Variants in TMPRSS6 observed in about 807,000 individuals in gnomAD.
TMPRSS6 encodes transmembrane protease serine 6.
A neutral mutation model predicts 101.5 loss-of-function variants in TMPRSS6; 67 were observed. The ratio of observed to expected loss-of-function variants is 0.66; its 90% CI spans 0.54 to 0.81. The LOEUF is 0.81. Ranked by LOEUF, TMPRSS6 falls within the 30% of genes least tolerant of loss-of-function variation. The pLI is 0.00. For missense variants in TMPRSS6, 1,034 were observed against 1,088.7 expected (o/e 0.95, Z 0.71); for synonymous variants, 453 against 464.9 (o/e 0.97, Z 0.33).
intron 16 of TMPRSS6, 114 bp from the exon 17 acceptor site, chr22:37,067,076 C>G: frequency 6.7e-7 from 1 of 1,493,570 alleles, no homozygotes; most frequent in Non-Finnish European, 9.1e-7. Flanking sequence ...CCTGCTCTGC[C>G]CACCCTTACC....
At chr22:37,087,594 C>G (rs547553305) in intron 7 of TMPRSS6, among the ~76,000 whole-genome samples, 2 of 151,446 alleles carry the variant, frequency 1.3e-5, no homozygotes, top group African/African-American at 4.8e-5. Context: ...ACCCCCCTCA[C>G]CCCCCAGGCC....
intron 1 of TMPRSS6, among the ~76,000 whole-genome samples, chr22:37,108,329 G>A (rs963651785): frequency 3.9e-5 from 6 of 152,154 alleles, no homozygotes; most frequent in African/African-American, 1.4e-4. Context: ...TCACCTCTTC[G>A]CAGCTCTCCC....
Position 37,069,168 on chromosome 22 carries a change from G to A in TMPRSS6, c.2018C>T (p.Ala673Val). 3.2e-6 allele frequency: 5 copies of A among 1,585,330 alleles called. No individual in the cohort carries two copies. Among genetic ancestry groups the A allele is most frequent in the Non-Finnish European group, 4.3e-6 (5 of 1,167,154 alleles). Residue 673 changes from alanine (A) to valine (V), a missense_variant, in exon 16 of 18, where the codon GCC (alanine) becomes GTC (valine). Ala to Val is a moderately conservative substitution (Grantham distance 64). Transcript: ENST00000676104. This position sits in a 1 kb window ranked among gnomAD's most constrained non-coding sequence, Gnocchi z 4.8. ...GGGCAGGCAGACGGGGCGCACGGCG[G>A]CCGAGCGCACCACCGGGTGGTCGAG... The part of the protein sequence containing the change: ...LQLDHPVVRS[A>V]AVRPVCLPAR...
rs777056213 is a variant in TMPRSS6 at position 37,069,781 on chromosome 22, G to A, written c.1842-437C>T. ...AGGCTGGTGGGTCCTAGTGGGGAGCGGGTGGGAGTTGAGCGTGGAGGAATT... is the reference window on the plus strand; with the variant it reads ...AGGCTGGTGGGTCCTAGTGGGGAGCAGGTGGGAGTTGAGCGTGGAGGAATT... On this transcript the variant is annotated intron_variant, in intron 15 of 17. Transcript: ENST00000676104. The surrounding 1 kb of genome is among the most constrained non-coding windows in gnomAD (Gnocchi z 4.8). Among the ~76,000 whole-genome samples the A allele has an allele frequency of 6.6e-6, 1 of 152,174 alleles. No homozygotes were observed. The highest frequency in any genetic ancestry group is 1.5e-5 in the Non-Finnish European group (1 of 68,024).
chr22:37,094,543 T>TGATAGATAGATAGATAGATAGATAGATA lies in TMPRSS6; in HGVS notation c.631+1007_631+1008insTATCTATCTATCTATCTATCTATCTATC, dbSNP rs6147615. On this transcript the variant is annotated intron_variant, in intron 6 of 17. Transcript: ENST00000676104. ...ACAAGCAGACAGATATCAACAGAGA[T>TGATAGATAGATAGATAGATAGATAGATA]GATAGATAGATAGATAGATAGATAG... Among the ~76,000 whole-genome samples the TGATAGATAGATAGATAGATAGATAGATA allele has an allele frequency of 2.7e-3, 411 of 150,834 alleles. 1 individual carries two copies. The highest frequency in any genetic ancestry group is 5.1e-3 in the African/African-American group (207 of 40,902).
chr22:37,066,852 G>T lies in TMPRSS6; in HGVS notation c.2224C>A (p.Arg742Ser). ...VTPRMLCAGY[R>S]KGKKDACQGD... is the part of the protein sequence containing the mutation. ...TGACAGGCATCCTTCTTGCCCTTGC[G>T]GTAGCCGGCACACAGCATGCGTGGC... The change falls in exon 17 of 18, where the codon CGC becomes AGC. Residue 742 changes from arginine to serine, a missense_variant. Coordinates refer to ENST00000676104, the MANE Select transcript of TMPRSS6 (RefSeq NM_001374504.1). The T allele has an allele frequency of 6.2e-7, 1 of 1,614,162 alleles. No individual in the cohort carries two copies. Among genetic ancestry groups the T allele is most frequent in the Non-Finnish European group, 8.5e-7 (1 of 1,180,032 alleles).
In TMPRSS6 at chr22:37,084,102, G is replaced by A. The variant is rs1036194885; in HGVS notation, c.1196+193C>T. 33 of 625,952 alleles carry A rather than the reference G, an allele frequency of 5.3e-5. No individual in the cohort carries two copies. The Admixed American group carries it at 6.4e-4, about 12-fold the overall frequency. The allele number at this position is 625,952 out of a possible 1,614,324, so 38.8% of individuals were successfully genotyped here. ...TGGGGTAGCCAGAGGGGAAGCCGGG[G>A]CCAGGGCGGAGGCTGGGACGAGGAC... On this transcript the variant is annotated intron_variant, in intron 10 of 17. Coordinates refer to ENST00000676104, the MANE Select transcript of TMPRSS6 (RefSeq NM_001374504.1).
Position 37,065,678 on chromosome 22 carries a change from A to G in TMPRSS6, c.*402T>C, listed in dbSNP as rs1280503775. On this transcript the variant is annotated 3_prime_UTR_variant, in exon 18 of 18. Transcript: ENST00000676104. ...TAGACCAGGGGCTTCCGAAGCTGGA[A>G]TCTGCTCTCTGGAGGCAAGGCTGCC... 1 of 199,826 alleles carries G rather than the reference A, an allele frequency of 5.0e-6. No individual in the cohort carries two copies. Among genetic ancestry groups the G allele is most frequent in the Non-Finnish European group, 1.0e-5 (1 of 96,334 alleles). 12.4% of individuals were successfully genotyped at this position (199,826 alleles called of 1,614,324 possible).
rs2235321 is a variant in TMPRSS6, at chr22:37,066,886, G to C, written c.2190C>G (p.Tyr730Ter). The C allele has an allele frequency of 1.2e-6, 2 of 1,613,658 alleles. No homozygotes were observed. Among genetic ancestry groups the C allele is most frequent in the Non-Finnish European group, 1.7e-6 (2 of 1,179,892 alleles). Reference sequence around the variant, plus strand: ...CACACAGCATGCGTGGCGTCACCTGGTAGCGATAGACCTCGCTGCACAGGT... The same window carrying C: ...CACACAGCATGCGTGGCGTCACCTGCTAGCGATAGACCTCGCTGCACAGGT... ...PQDLCSEVYR[Y>*]QVTPRMLCAG... is the part of the protein sequence containing the mutation. The change falls in exon 17 of 18, where the codon TAC (tyrosine) becomes TAG (stop). Residue 730 changes from tyrosine to a stop codon, truncating the protein, a stop_gained. Coordinates refer to ENST00000676104, the MANE Select transcript of TMPRSS6 (RefSeq NM_001374504.1). LOFTEE classifies it high-confidence loss of function.
At chr22:37,079,002 A>T (rs546363647) in intron 10 of TMPRSS6, among the ~76,000 whole-genome samples, 1 of 151,514 alleles carries the variant, frequency 6.6e-6, no homozygotes, top group African/African-American at 2.4e-5. Flanking sequence ...AGAAAGAAAG[A>T]AAGAAAGAAA....
chr22:37,085,572 T>A (rs970675557), intron 8 of TMPRSS6, among the ~76,000 whole-genome samples: 3 of 152,048 alleles, frequency 2.0e-5, no homozygotes, highest in Non-Finnish European at 4.4e-5. Context: ...CCTCCTGAGC[T>A]CCAGAAATGG....
In TMPRSS6 at chr22:37,098,437, T is replaced by C; in HGVS notation, c.315A>G (p.Glu105=). 1 of 1,613,886 alleles carries C rather than the reference T, an allele frequency of 6.2e-7. No individual in the cohort carries two copies. The highest frequency in any genetic ancestry group is 8.5e-7 in the Non-Finnish European group (1 of 1,179,982). Residue 105 remains glutamate (E), a synonymous_variant, in exon 3 of 18, where the codon GAA becomes GAG. Coordinates refer to ENST00000676104, the MANE Select transcript of TMPRSS6 (RefSeq NM_001374504.1). ...TRRESSAFRS[E]TAKAQKMLKE... Reference sequence around the variant, plus strand: ...CTACCATCTTCTGGGCTTTGGCGGTTTCACTGCGGAAGGCACTAGATTCCC... The same window carrying C: ...CTACCATCTTCTGGGCTTTGGCGGTCTCACTGCGGAAGGCACTAGATTCCC...
chr22:37,072,105 GGATGGACGGAT>G (rs1926990044), intron 13 of TMPRSS6, among the ~76,000 whole-genome samples: 1 of 146,884 alleles, frequency 6.8e-6, no homozygotes, highest in African/African-American at 2.6e-5. Flanking sequence ...GACAGATGAT[GGATGGACGGAT>G]GATGGATGGA....
chr22:37,068,021 C>T (rs989000659), intron 16 of TMPRSS6, among the ~76,000 whole-genome samples: 2 of 152,184 alleles, frequency 1.3e-5, no homozygotes, highest in African/African-American at 4.8e-5. Flanking sequence ...ATCTTCCAGG[C>T]CTCAGCTTAA....
Position 37,086,391 on chromosome 22 carries a change from C to T in TMPRSS6, c.865G>A (p.Val289Met), listed in dbSNP as rs1319296800. ...GCCCCCGACGCCAGAACCTCCACCACGGGCTCCTGGCGGCTGCAGCCGTAC... is the reference window on the plus strand; with the variant it reads ...GCCCCCGACGCCAGAACCTCCACCATGGGCTCCTGGCGGCTGCAGCCGTAC... Reference protein sequence around the residue: ...SVYGCSRQEPVVEVLASGAIM... With the variant: ...SVYGCSRQEPMVEVLASGAIM... The change falls in exon 8 of 18, where the codon GTG becomes ATG. Residue 289 changes from valine to methionine, a missense_variant. Val to Met is a conservative substitution (Grantham distance 21). Coordinates refer to ENST00000676104, the MANE Select transcript of TMPRSS6 (RefSeq NM_001374504.1). 6 of 1,604,008 alleles carry T rather than the reference C, an allele frequency of 3.7e-6. No homozygotes were observed. The highest frequency in any genetic ancestry group is 4.5e-5 in the East Asian group (2 of 44,196).
At chr22:37,097,517 A>G (rs1195585405) in intron 3 of TMPRSS6, among the ~76,000 whole-genome samples, 6 of 152,244 alleles carry the variant, frequency 3.9e-5, no homozygotes, top group Admixed American at 3.9e-4. Context: ...TCCAGCGCTC[A>G]TGGTTCAGGG....
chr22:37,065,924 A>C lies in TMPRSS6; in HGVS notation c.*156T>G, dbSNP rs753240974. ...TTCTCCATCCTCCTGCCATCACTGG[A>C]GCAGACATCAGGGACGAGACAAGAT... is the stretch of plus-strand genomic sequence containing the variant. On this transcript the variant is annotated 3_prime_UTR_variant, in exon 18 of 18. Coordinates refer to ENST00000676104, the MANE Select transcript of TMPRSS6 (RefSeq NM_001374504.1). 1 of 937,678 alleles carries C rather than the reference A, an allele frequency of 1.1e-6. No individual in the cohort carries two copies. Among genetic ancestry groups the C allele is most frequent in the Non-Finnish European group, 1.6e-6 (1 of 617,772 alleles). The allele number at this position is 937,678 out of a possible 1,614,324, so 58.1% of individuals were successfully genotyped here.
chr22:37,106,829 T>A (rs1930742968), intron 1 of TMPRSS6, among the ~76,000 whole-genome samples: 1 of 152,352 alleles, frequency 6.6e-6, no homozygotes, highest in African/African-American at 2.4e-5. Context: ...CCTGCCTTTG[T>A]GCAGCTGAGT....
At chr22:37,089,290 T>C (rs1401752482) in intron 7 of TMPRSS6, among the ~76,000 whole-genome samples, 1 of 152,032 alleles carries the variant, frequency 6.6e-6, no homozygotes, top group Non-Finnish European at 1.5e-5. Context: ...CTCTGAAACA[T>C]CCCAACAAGC....
Sources: allele counts gnomAD v4.1 joint callset (sites outside exome capture counted in the v4.1 genomes callset), GRCh38; gene constraint gnomAD v4.1.1; non-coding constraint Gnocchi (gnomAD v3.1); transcripts MANE v1.5; gene names NCBI Gene and HGNC (gene_info 2026-07-23, HGNC 2026-07-21).